DCHS2: variants seen among roughly 807,000 people sequenced by gnomAD.
The protein encoded by DCHS2 is dachsous cadherin-related 2.
DCHS2 carries 142 observed loss-of-function variants against 182.4 expected under a neutral mutation model. The observed-to-expected ratio is 0.78, with a 90% CI of 0.68 to 0.89. The LOEUF (loss-of-function observed/expected upper bound fraction) is 0.89. Ranked by LOEUF, DCHS2 falls within the 40% of genes least tolerant of loss-of-function variation. DCHS2 has a pLI of 0.00. For synonymous variants in DCHS2, 1,740 were observed against 1,663.3 expected (o/e 1.05, Z -1.12); for missense variants, 4,319 against 4,198.6 (o/e 1.03, Z -0.79).
At chr4:154,327,438 T>C (rs981898765) in intron 7 of DCHS2, among the ~76,000 whole-genome samples, 4 of 152,192 alleles carry the variant, frequency 2.6e-5, no homozygotes, top group Non-Finnish European at 4.4e-5. Context: ...GGGTTTTCCA[T>C]GCAGACAATC....
chr4:154,449,065 T>C (rs1579093045), intron 1 of DCHS2, among the ~76,000 whole-genome samples: 1 of 152,300 alleles, frequency 6.6e-6, no homozygotes, highest in Non-Finnish European at 1.5e-5. Context: ...CACACCTATA[T>C]TGAGGAAATA....
At chr4:154,468,752 T>C (rs1010170562) in intron 1 of DCHS2, among the ~76,000 whole-genome samples, 4 of 152,184 alleles carry the variant, frequency 2.6e-5, no homozygotes, top group Non-Finnish European at 5.9e-5. Flanking sequence ...CTTGGCTCTA[T>C]TCGTTAGGAC....
Position 154,350,173 on chromosome 4 carries a change from T to C in DCHS2, c.2477-15069A>G, listed in dbSNP as rs141749673. ...CAGGACACAAGTAAAGAAAGAACTG[T>C]AGCATGAGCACATGGTGACTGTTCA... On this transcript the variant is annotated intron_variant, in intron 3 of 19. Coordinates refer to ENST00000357232, the MANE Select transcript of DCHS2 (RefSeq NM_001358235.2). 2.1e-4 allele frequency among the ~76,000 whole-genome samples: 32 copies of C among 152,334 alleles called. No homozygotes were observed. The East Asian group carries it at 6.0e-3, about 28-fold the overall frequency.
intron 1 of DCHS2, among the ~76,000 whole-genome samples, chr4:154,415,953 C>G (rs1438084632): frequency 6.6e-6 from 1 of 151,792 alleles, no homozygotes; most frequent in African/African-American, 2.4e-5. Context: ...ATTTTATCTT[C>G]TATATTCATT....
chr4:154,298,125 A>C lies in DCHS2; in HGVS notation c.6189T>G (p.Asp2063Glu). ...TTCCATTGGGCCCCAAGTCCAGGTC[A>C]TCAGCTCTCACAATGACAGTTGTCT... ...TNQTTVIVRA[D>E]DLDLGPNGTV... Residue 2063 changes from aspartate to glutamate, a missense_variant, in exon 13 of 20, where the codon GAT becomes GAG. Physicochemically the swap from Asp to Glu is conservative, Grantham distance 45 (BLOSUM62 2). Coordinates refer to ENST00000357232, the MANE Select transcript of DCHS2 (RefSeq NM_001358235.2). 1 of 1,614,170 alleles carries C rather than the reference A, an allele frequency of 6.2e-7. No homozygotes were observed. The highest frequency in any genetic ancestry group is 8.5e-7 in the Non-Finnish European group (1 of 1,180,018).
chr4:154,342,484 A>C (rs1729154238), intron 3 of DCHS2, among the ~76,000 whole-genome samples: 1 of 152,236 alleles, frequency 6.6e-6, no homozygotes, highest in Admixed American at 6.5e-5. Flanking sequence ...AATTGGAGCC[A>C]ATCCTCCTAG....
rs139797436 is a variant in DCHS2 at position 154,231,764 on chromosome 4, C to T, written c.*2772G>A. ...GTGAAGGTGCTGAGAAACACAAATC[C>T]TGTCTCAACTGGACGTCTATTATAG... On this transcript the variant is annotated 3_prime_UTR_variant, in exon 20 of 20. Coordinates refer to ENST00000357232, the MANE Select transcript of DCHS2 (RefSeq NM_001358235.2). 33 of 152,218 alleles carry T rather than the reference C, an allele frequency of 2.2e-4. No homozygotes were observed. The East Asian group carries it at 5.6e-3, about 26-fold the overall frequency. The allele number at this position is 152,218 out of a possible 1,614,324, so 9.4% of individuals were successfully genotyped here.
rs1343400099 is a variant in DCHS2 at position 154,491,595 on chromosome 4, T to G, written c.-240A>C. ...TGCCTCTGCCGCGGCAGCCACCTCTTCTGCCCCTGGATTTCTTTAAACGAA... is the reference window on the plus strand; with the variant it reads ...TGCCTCTGCCGCGGCAGCCACCTCTGCTGCCCCTGGATTTCTTTAAACGAA... On this transcript the variant is annotated 5_prime_UTR_variant, in exon 1 of 20. Transcript: ENST00000357232. 6 of 1,341,296 alleles carry G rather than the reference T, an allele frequency of 4.5e-6. No homozygotes were observed. The African/African-American group carries it at 9.0e-5, about 20-fold the overall frequency. The allele number at this position is 1,341,296 out of a possible 1,614,324, so 83.1% of individuals were successfully genotyped here.
intron 14 of DCHS2, among the ~76,000 whole-genome samples, chr4:154,266,427 C>T (rs780923724): frequency 1.1e-4 from 17 of 151,860 alleles, no homozygotes; most frequent in Non-Finnish European, 1.8e-4. Context: ...GAGGGTGAAG[C>T]GGGTGGATCA....
intron 1 of DCHS2, among the ~76,000 whole-genome samples, chr4:154,453,457 C>A (rs1278593364): frequency 6.6e-6 from 1 of 152,088 alleles, no homozygotes; most frequent in East Asian, 1.9e-4. Context: ...CAGCAGTTAG[C>A]TGACAGCCTC....
intron 1 of DCHS2, among the ~76,000 whole-genome samples, chr4:154,380,982 T>G (rs1317840777): frequency 6.6e-6 from 1 of 152,120 alleles, no homozygotes; most frequent in East Asian, 1.9e-4. Context: ...GAGGAAATCT[T>G]GCTTAGTTAA....
In DCHS2 at chr4:154,377,331, C is replaced by T. The variant is rs760683713; in HGVS notation, c.2166G>A (p.Gly722=). Residue 722 remains glycine (G), a synonymous_variant, in exon 2 of 20, where the codon GGG becomes GGA. Coordinates refer to ENST00000357232, the MANE Select transcript of DCHS2 (RefSeq NM_001358235.2). Reference sequence around the variant, plus strand: ...CGATATCTTGAGAAACACAGATTTGCCCATCATGAGGGTCGATCCGGAATG... The same window carrying T: ...CGATATCTTGAGAAACACAGATTTGTCCATCATGAGGGTCGATCCGGAATG... ...PQAFRIDPHD[G]QICVSQDIDR... The T allele has an allele frequency of 6.2e-7, 1 of 1,613,700 alleles. No individual in the cohort carries two copies. The highest frequency in any genetic ancestry group is 8.5e-7 in the Non-Finnish European group (1 of 1,179,748).
chr4:154,429,703 T>C (rs1397572310), intron 1 of DCHS2, among the ~76,000 whole-genome samples: 1 of 151,948 alleles, frequency 6.6e-6, no homozygotes, highest in African/African-American at 2.4e-5. Context: ...TTTTTTTTTC[T>C]ATTAGATATG....
In DCHS2 at chr4:154,235,883, A is replaced by AGAT. The variant is rs1476266885; in HGVS notation, c.8766_8768dup (p.Ser2923dup). 9 of 1,613,958 alleles carry AGAT rather than the reference A, an allele frequency of 5.6e-6. No individual in the cohort carries two copies. The highest frequency in any genetic ancestry group is 7.6e-6 in the Non-Finnish European group (9 of 1,179,976). The stretch of plus-strand genomic sequence containing the variant: ...TGGTTTTATTTACTGAAAAGAAAGG[A>AGAT]GATGAGGTTCCAAGGGAGTAAAGAA... On this transcript the variant is annotated inframe_insertion, in exon 20 of 20. Coordinates refer to ENST00000357232, the MANE Select transcript of DCHS2 (RefSeq NM_001358235.2).
At chr4:154,280,345 A>T (rs1046258448) in intron 13 of DCHS2, among the ~76,000 whole-genome samples, 9 of 152,190 alleles carry the variant, frequency 5.9e-5, no homozygotes, top group Non-Finnish European at 1.0e-4. Context: ...GAAATTGAAG[A>T]GGAGAGAATA....
chr4:154,450,093 G>A (rs556663589), intron 1 of DCHS2, among the ~76,000 whole-genome samples: 1 of 152,296 alleles, frequency 6.6e-6, no homozygotes, highest in Admixed American at 6.5e-5. Flanking sequence ...ACATGCAGAA[G>A]GAGCCGACCC....
intron 1 of DCHS2, among the ~76,000 whole-genome samples, chr4:154,483,152 T>C (rs1298331793): frequency 6.6e-6 from 1 of 152,072 alleles, no homozygotes; most frequent in Non-Finnish European, 1.5e-5. Flanking sequence ...CTGTTGGTAA[T>C]ATGTATACAT....
chr4:154,490,338 C>A lies in DCHS2; in HGVS notation c.1018G>T (p.Val340Leu), dbSNP rs1374059597. 2 of 1,542,078 alleles carry A rather than the reference C, an allele frequency of 1.3e-6. No individual in the cohort carries two copies. The highest frequency in any genetic ancestry group is 1.7e-6 in the Non-Finnish European group (2 of 1,145,840). ...CCGCCGCCGCTACCCGCCCCAGGCA[C>A]TTGCCGGGCGCGGACGCTGTAGCGC... ...FVRYSVRARQ[V>L]PGAGSGGGAL... is the part of the protein sequence containing the mutation. The change falls in exon 1 of 20, where the codon GTG (valine) becomes TTG (leucine). Residue 340 changes from valine to leucine, a missense_variant. Val to Leu is a conservative substitution (Grantham distance 32). Coordinates refer to ENST00000357232, the MANE Select transcript of DCHS2 (RefSeq NM_001358235.2).
intron 1 of DCHS2, among the ~76,000 whole-genome samples, chr4:154,428,129 A>G (rs1733406746): frequency 6.6e-6 from 1 of 152,186 alleles, no homozygotes; most frequent in African/African-American, 2.4e-5. Context: ...TTTGGTAGAA[A>G]AAGGAAAGGC....
Sources: allele counts gnomAD v4.1 joint callset (sites outside exome capture counted in the v4.1 genomes callset), GRCh38; gene constraint gnomAD v4.1.1; transcripts MANE v1.5; gene names NCBI Gene and HGNC (gene_info 2026-07-23, HGNC 2026-07-21).